RASGEF1C: variants seen among roughly 807,000 people sequenced by gnomAD.
The protein encoded by RASGEF1C is RasGEF domain family member 1C.
RASGEF1C carries 27 observed loss-of-function variants against 58.1 expected under a neutral mutation model. The ratio of observed to expected loss-of-function variants is 0.46; its 90% CI spans 0.34 to 0.64. RASGEF1C has a LOEUF of 0.64. Ranked by LOEUF, RASGEF1C falls within the 30% of genes least tolerant of loss-of-function variation. The pLI is 0.01. For synonymous variants in RASGEF1C, 243 were observed against 246.3 expected (o/e 0.99, Z 0.13); for missense variants, 502 against 605.1 (o/e 0.83, Z 1.79).
Position 180,119,439 on chromosome 5 carries a change from TC to T in RASGEF1C, c.813del (p.Lys272ArgfsTer7), listed in dbSNP as rs1315512594. ...TCAATCACCTGGGCCCTCTGCTTCTTCTTGGCTGGCTGGGGACAGGGCAGCA... is the reference window on the plus strand; with the variant it reads ...TCAATCACCTGGGCCCTCTGCTTCTTTTGGCTGGCTGGGGACAGGGCAGCA... The part of the protein sequence containing the change: ...LVATEICMPA[K>X]KKQRAQVIEF... On this transcript the variant is annotated frameshift_variant, in exon 8 of 14. Coordinates refer to ENST00000361132, the MANE Select transcript of RASGEF1C (RefSeq NM_175062.4). LOFTEE classifies it high-confidence loss of function. 27 of 1,614,080 alleles carry T rather than the reference TC, an allele frequency of 1.7e-5. No homozygotes were observed. The highest frequency in any genetic ancestry group is 2.2e-5 in the Non-Finnish European group (26 of 1,179,954).
At chr5:180,129,915 T>A (rs1766335269) in intron 4 of RASGEF1C, among the ~76,000 whole-genome samples, 1 of 152,214 alleles carries the variant, frequency 6.6e-6, no homozygotes, top group Admixed American at 6.5e-5. Context: ...ATAATTAGGT[T>A]TTCCTTGACG....
intron 1 of RASGEF1C, among the ~76,000 whole-genome samples, chr5:180,152,153 C>G (rs1452322666): frequency 1.3e-5 from 2 of 151,970 alleles, no homozygotes; most frequent in Non-Finnish European, 2.9e-5. Context: ...TTGTGGAAGT[C>G]AGTGTGGCGA....
chr5:180,107,604 T>C (rs1253232277), intron 12 of RASGEF1C, among the ~76,000 whole-genome samples: 1 of 152,160 alleles, frequency 6.6e-6, no homozygotes, highest in Non-Finnish European at 1.5e-5. Context: ...AAAAAATTTA[T>C]TTTTTAATTA....
intron 4 of RASGEF1C, among the ~76,000 whole-genome samples, chr5:180,134,801 C>T: frequency 6.8e-6 from 1 of 147,482 alleles, no homozygotes; most frequent in Non-Finnish European, 1.5e-5. Context: ...ACAGAACTGT[C>T]AATTCACGCA....
intron 4 of RASGEF1C, 28 bp from the exon 5 acceptor site, chr5:180,128,638 G>A: frequency 6.2e-7 from 1 of 1,604,350 alleles, no homozygotes; most frequent in South Asian, 1.1e-5. Context: ...GGGCGCTCAG[G>A]ACTGAACACT....
At chr5:180,130,532 A>AC (rs1242767447) in intron 4 of RASGEF1C, among the ~76,000 whole-genome samples, 1 of 151,178 alleles carries the variant, frequency 6.6e-6, no homozygotes, top group Non-Finnish European at 1.5e-5. Context: ...TCGTCTCCTC[A>AC]CCCCCACTCA....
At chr5:180,174,713 C>T (rs1043347063) in intron 1 of RASGEF1C, among the ~76,000 whole-genome samples, 2 of 152,178 alleles carry the variant, frequency 1.3e-5, no homozygotes, top group Non-Finnish European at 2.9e-5. Flanking sequence ...GCAGGCCCCT[C>T]TCTGGGCTGT....
chr5:180,103,127 G>C (rs962983147), intron 12 of RASGEF1C, among the ~76,000 whole-genome samples: 3 of 152,162 alleles, frequency 2.0e-5, no homozygotes, highest in African/African-American at 7.2e-5. Flanking sequence ...GCCCAGGCTG[G>C]AGTGCAGTGG....
At chr5:180,138,147 G>T in intron 1 of RASGEF1C, 89 bp from the exon 2 acceptor site, 1 of 749,108 alleles carries the variant, frequency 1.3e-6, no homozygotes, top group Non-Finnish European at 2.0e-6. Context: ...CGGGGCTCCT[G>T]GCTGGGCAGG....
chr5:180,118,043 G>A (rs1038588436), intron 10 of RASGEF1C, among the ~76,000 whole-genome samples: 1 of 151,746 alleles, frequency 6.6e-6, no homozygotes, highest in Non-Finnish European at 1.5e-5. Context: ...GAGTTTGGGT[G>A]AGGAAAAAGC....
At chr5:180,170,172 A>ATGAG (rs1365177941) in intron 1 of RASGEF1C, among the ~76,000 whole-genome samples, 1 of 152,150 alleles carries the variant, frequency 6.6e-6, no homozygotes, top group African/African-American at 2.4e-5. Flanking sequence ...GGCCGAGTGG[A>ATGAG]TGAGTGAGTG....
In RASGEF1C at chr5:180,177,152, AGGGGCAGTGGGATGG is replaced by A. The variant is rs1767242694; in HGVS notation, c.-7+31861_-7+31875del. On this transcript the variant is annotated intron_variant, in intron 1 of 13. Coordinates refer to ENST00000361132, the MANE Select transcript of RASGEF1C (RefSeq NM_175062.4). This position sits in a 1 kb window ranked among gnomAD's most constrained non-coding sequence, Gnocchi z 5.0. ...CAGAGCCTGACGGAGGGGCTGGATG[AGGGGCAGTGGGATGG>A]GGGGCTGGCTGGGCTACTTCCAGAA... Among the ~76,000 whole-genome samples the A allele has an allele frequency of 6.6e-6, 1 of 151,638 alleles. No homozygotes were observed. Among genetic ancestry groups the A allele is most frequent in the Non-Finnish European group, 1.5e-5 (1 of 67,886 alleles).
chr5:180,196,998 TGTGGAGCTGG>T (rs1246299839), intron 1 of RASGEF1C, among the ~76,000 whole-genome samples: 8 of 152,200 alleles, frequency 5.3e-5, no homozygotes, highest in Admixed American at 1.3e-4. Flanking sequence ...CACCCCAGAA[TGTGGAGCTGG>T]GTGTGCTGCC....
At chr5:180,174,510 G>A (rs76512174) in intron 1 of RASGEF1C, among the ~76,000 whole-genome samples, 24,162 of 150,072 alleles carry the variant, frequency 0.16, 2,076 homozygotes, top group African/African-American at 0.23. Context: ...CTGTGTGTGC[G>A]TGCGCGTACA....
At chr5:180,118,973 C>T in intron 8 of RASGEF1C, 107 bp from the exon 9 acceptor site, 2 of 1,024,896 alleles carry the variant, frequency 2.0e-6, no homozygotes, top group Non-Finnish European at 3.0e-6. Flanking sequence ...GTCTGCAGGG[C>T]TCAGCCTGTC....
At chr5:180,163,904 G>A (rs576049398) in intron 1 of RASGEF1C, among the ~76,000 whole-genome samples, 4 of 152,232 alleles carry the variant, frequency 2.6e-5, no homozygotes, top group East Asian at 3.9e-4. Context: ...TAAATTCAAG[G>A]TCTTTAACGG....
chr5:180,169,876 C>T (rs1232830073), intron 1 of RASGEF1C, among the ~76,000 whole-genome samples: 1 of 147,054 alleles, frequency 6.8e-6, no homozygotes, highest in Non-Finnish European at 1.5e-5. Context: ...CCTTCCCGCC[C>T]TGGGGCTGCG....
At chr5:180,106,868 A>G (rs1279064293) in intron 12 of RASGEF1C, among the ~76,000 whole-genome samples, 2 of 152,206 alleles carry the variant, frequency 1.3e-5, no homozygotes, top group Non-Finnish European at 2.9e-5. Flanking sequence ...AAGGGTGTTG[A>G]CATCTTCAAT....
At chr5:180,134,650 T>C (rs1318604554) in intron 4 of RASGEF1C, among the ~76,000 whole-genome samples, 1 of 150,608 alleles carries the variant, frequency 6.6e-6, no homozygotes, top group Non-Finnish European at 1.5e-5. Flanking sequence ...TCCTTCCTTC[T>C]AACATCTGCC....
Sources: gnomAD v4.1 joint callset for allele counts (sites outside exome capture counted in the v4.1 genomes callset) on GRCh38, gnomAD v4.1.1 for gene constraint, Gnocchi (gnomAD v3.1) non-coding constraint, MANE v1.5 for transcripts, NCBI Gene and HGNC (gene_info 2026-07-23, HGNC 2026-07-21) for gene names.